RYR1: variants seen among roughly 807,000 people sequenced by gnomAD.
The protein encoded by RYR1 is ryanodine receptor 1, also known as central core disease of muscle.
Under a neutral mutation model 583.5 loss-of-function variants are expected in RYR1, and 342 were observed. That is an observed-to-expected ratio of 0.59 (90% CI 0.54 to 0.64). The LOEUF (loss-of-function observed/expected upper bound fraction) is 0.64, where lower values mean the gene tolerates loss of function less well. Ranked by LOEUF, RYR1 falls within the 30% of genes least tolerant of loss-of-function variation. The pLI, the probability that RYR1 is intolerant of heterozygous loss-of-function variation, is 0.00. For missense variants in RYR1, 6,032 were observed against 6,917.2 expected (o/e 0.87, Z 4.54); for synonymous variants, 2,791 against 2,822.5 (o/e 0.99, Z 0.35).
rs115207918 is a variant in RYR1 at position 38,559,838 on chromosome 19, C to T, written c.12283-1275C>T. Reference sequence around the variant, plus strand: ...AGGTAATGAAATTAATTTAGCAATGCGTAACTCGTGACCAGCATCTTTAGA... The same window carrying T: ...AGGTAATGAAATTAATTTAGCAATGTGTAACTCGTGACCAGCATCTTTAGA... On this transcript the variant is annotated intron_variant, in intron 89 of 105. Transcript: ENST00000359596. Among the ~76,000 whole-genome samples the T allele has an allele frequency of 4.9e-3, 739 of 152,042 alleles. 9 individuals are homozygous for T. The highest frequency in any genetic ancestry group is 0.015 in the African/African-American group (640 of 41,444).
Position 38,492,360 on chromosome 19 carries a change from CA to C in RYR1, c.6128-113del, listed in dbSNP as rs60482983. On this transcript the variant is annotated intron_variant, in intron 37 of 105. Coordinates refer to ENST00000359596, the MANE Select transcript of RYR1 (RefSeq NM_000540.3). ...ACTGCAACAGAACAAGACACTGTCT[CA>C]AAAAAAAAAAAAAAAAGGAAATGAA... 150,279 of 686,426 alleles carry C rather than the reference CA, an allele frequency of 0.22. 188 individuals carry two copies. The highest frequency in any genetic ancestry group is 0.27 in the South Asian group (13,759 of 50,792). 42.5% of individuals were successfully genotyped at this position (686,426 alleles called of 1,614,324 possible).
Position 38,433,756 on chromosome 19 carries a change from A to AG in RYR1, c.-73dup. 1.5e-5 allele frequency: 2 copies of AG among 129,074 alleles called. No homozygotes were observed. The highest frequency in any genetic ancestry group is 7.3e-5 in the South Asian group (1 of 13,778). 8.0% of individuals were successfully genotyped at this position (129,074 alleles called of 1,614,324 possible). ...AGGTCTCCGACCCCAGCCCGCCCCCAGCCCTCCCGCCCAGCCCGCAGCCCC... is the reference window on the plus strand; with the variant it reads ...AGGTCTCCGACCCCAGCCCGCCCCCAGGCCCTCCCGCCCAGCCCGCAGCCCC... On this transcript the variant is annotated 5_prime_UTR_variant, in exon 1 of 106. Transcript: ENST00000359596.
chr19:38,529,920 T>G (rs74716784), intron 76 of RYR1, among the ~76,000 whole-genome samples: 15,065 of 152,250 alleles, frequency 0.099, 870 homozygotes, highest in South Asian at 0.25. Context: ...GATTATTGCA[T>G]CTCCTTTGTG....
intron 64 of RYR1, among the ~76,000 whole-genome samples, chr19:38,515,467 C>G (rs1970923767): frequency 6.6e-6 from 1 of 152,194 alleles, no homozygotes; most frequent in South Asian, 2.1e-4. Context: ...AAGAGCGAGG[C>G]TGCGGCTGTT....
Position 38,468,986 on chromosome 19 carries a change from C to T in RYR1, c.3402C>T (p.Gly1134=). 6.2e-7 allele frequency: 1 copy of T among 1,614,164 alleles called. No individual in the cohort carries two copies. The highest frequency in any genetic ancestry group is 1.3e-5 in the African/African-American group (1 of 75,040). Residue 1134 remains glycine (G), a synonymous_variant, in exon 26 of 106, where the codon GGC becomes GGT. Transcript: ENST00000359596. ...CACAGGGCCAGCGCTGGCACTTGGG[C>T]AGTGAACCATTTGGGCGCCCCTGGC... The part of the protein sequence containing the change: ...NGHRGQRWHL[G]SEPFGRPWQP...
At chr19:38,516,301 TG>T in intron 65 of RYR1, 84 bp downstream of exon 65, 2 of 1,490,214 alleles carry the variant, frequency 1.3e-6, no homozygotes, top group Non-Finnish European at 1.8e-6. Flanking sequence ...TTGGGGGTAG[TG>T]TGGCTGGGCT....
chr19:38,482,073 GA>G (rs1281045671), intron 31 of RYR1, among the ~76,000 whole-genome samples: 56 of 152,270 alleles, frequency 3.7e-4, no homozygotes, highest in African/African-American at 1.3e-3. Flanking sequence ...CTGGATGACA[GA>G]GTGAGACGTC....
intron 89 of RYR1, among the ~76,000 whole-genome samples, chr19:38,553,908 T>C (rs1568568017): frequency 6.6e-6 from 1 of 152,256 alleles, no homozygotes; most frequent in Non-Finnish European, 1.5e-5. Flanking sequence ...GTCGTCATTC[T>C]TTTTTACAGG....
rs1281542312 is a variant in RYR1 at position 38,473,573 on chromosome 19, A to AGGCCCGGGCGGCGGAACCC, written c.3964_3982dup (p.Asp1328GlyfsTer9). 2.5e-6 allele frequency: 4 copies of AGGCCCGGGCGGCGGAACCC among 1,597,372 alleles called. No individual in the cohort carries two copies. In the African/African-American group the frequency reaches 5.4e-5, roughly 21 times the overall value. ...GGCCTGCAGCCCCCCGCCGAGGACG[A>AGGCCCGGGCGGCGGAACCC]GGCCCGGGCGGCGGAACCCGACCCT... On this transcript the variant is annotated frameshift_variant, in exon 28 of 106. Coordinates refer to ENST00000359596, the MANE Select transcript of RYR1 (RefSeq NM_000540.3). LOFTEE classifies it high-confidence loss of function.
In RYR1 at chr19:38,496,251, G is replaced by C. The variant is rs140729728; in HGVS notation, c.6585G>C (p.Pro2195=). 1.2e-6 allele frequency: 2 copies of C among 1,613,862 alleles called. No individual in the cohort carries two copies. The highest frequency in any genetic ancestry group is 1.7e-6 in the Non-Finnish European group (2 of 1,180,016). The change falls in exon 40 of 106, where the codon CCG becomes CCC. Residue 2195 remains proline (P), a synonymous_variant. Coordinates refer to ENST00000359596, the MANE Select transcript of RYR1 (RefSeq NM_000540.3). This position sits in a 1 kb window ranked among gnomAD's most constrained non-coding sequence, Gnocchi z 4.8. ...IMNNKVFYQH[P]NLMRALGMHE... is the part of the protein sequence containing the mutation. ...ACAACAAAGTCTTCTACCAACACCC[G>C]AACCTGATGAGGGCGCTGGGCATGC... is the stretch of plus-strand genomic sequence containing the variant.
chr19:38,494,082 T>A (rs1305158842), intron 38 of RYR1, among the ~76,000 whole-genome samples: 1 of 152,008 alleles, frequency 6.6e-6, no homozygotes, highest in Non-Finnish European at 1.5e-5. Context: ...AGTAGGAGGA[T>A]CACTTGAGCC....
In RYR1 at chr19:38,536,071, G is replaced by T. The variant is rs113928116; in HGVS notation, c.11590+1G>T. The T allele has an allele frequency of 1.9e-6, 3 of 1,611,888 alleles. No individual in the cohort carries two copies. Among genetic ancestry groups the T allele is most frequent in the Non-Finnish European group, 2.5e-6 (3 of 1,179,644 alleles). On this transcript the variant is annotated splice_donor_variant, in intron 82 of 105. Transcript: ENST00000359596. LOFTEE classifies it high-confidence loss of function. ...GGCATGGTGAATGAGGATGGCACTGGTGAGGCCCTCCCTTGGGCTTCCCAC... is the reference window on the plus strand; with the variant it reads ...GGCATGGTGAATGAGGATGGCACTGTTGAGGCCCTCCCTTGGGCTTCCCAC...
intron 72 of RYR1, 143 bp downstream of exon 72, chr19:38,527,195 C>A (rs537042543): frequency 1.1e-6 from 1 of 881,400 alleles, no homozygotes; most frequent in Non-Finnish European, 1.8e-6. Flanking sequence ...GCCAATGTGG[C>A]GAAACCATGT....
At chr19:38,466,576 A>T (rs185929016) in intron 24 of RYR1, among the ~76,000 whole-genome samples, 178 bp downstream of exon 24, 2 of 140,320 alleles carry the variant, frequency 1.4e-5, no homozygotes, top group African/African-American at 2.7e-5. Context: ...ATCTCTGCTC[A>T]CTGCAAGCTC....
intron 67 of RYR1, 112 bp downstream of exon 67, chr19:38,519,566 C>A: frequency 7.9e-7 from 1 of 1,260,118 alleles, no homozygotes; most frequent in Non-Finnish European, 1.1e-6. Flanking sequence ...TGCTCTGGCC[C>A]CACCAACCTT....
chr19:38,576,043 T>C (rs1973944520), intron 97 of RYR1, 82 bp downstream of exon 97: 2 of 1,528,610 alleles, frequency 1.3e-6, no homozygotes, highest in African/African-American at 2.7e-5. Context: ...AGCACTTGCT[T>C]GGTGTGTGAC....
chr19:38,560,057 A>T (rs543368818), intron 89 of RYR1, among the ~76,000 whole-genome samples: 21 of 152,342 alleles, frequency 1.4e-4, no homozygotes, highest in African/African-American at 5.1e-4. Context: ...ATGTTCAAGA[A>T]AAGTGTTGTC....
At chr19:38,466,484 C>T in intron 24 of RYR1, 86 bp downstream of exon 24, 1 of 1,319,014 alleles carries the variant, frequency 7.6e-7, no homozygotes, top group Non-Finnish European at 1.0e-6. Flanking sequence ...CTGACTCAGC[C>T]CCCAAATGGG....
chr19:38,515,321 G>A (rs1970915364), intron 64 of RYR1, among the ~76,000 whole-genome samples: 1 of 152,172 alleles, frequency 6.6e-6, no homozygotes, highest in Admixed American at 6.5e-5. Flanking sequence ...TGTGAAGCAG[G>A]CAGGCCTCGC....
Sources: gnomAD v4.1 joint callset for allele counts (sites outside exome capture counted in the v4.1 genomes callset) on GRCh38, gnomAD v4.1.1 for gene constraint, Gnocchi (gnomAD v3.1) non-coding constraint, MANE v1.5 for transcripts, NCBI Gene and HGNC (gene_info 2026-07-23, HGNC 2026-07-21) for gene names.